The following DLGAP2 variants were observed in gnomAD, a reference collection of about 807,000 sequenced individuals.
The protein encoded by DLGAP2 is disks large-associated protein 2.
Under a neutral mutation model 100.3 loss-of-function variants are expected in DLGAP2, and 26 were observed. The ratio of observed to expected loss-of-function variants is 0.26; its 90% CI spans 0.19 to 0.36. The LOEUF is 0.36. DLGAP2 is among the 10% of genes least tolerant of loss of function. The pLI, the probability that DLGAP2 is intolerant of heterozygous loss-of-function variation, is 1.00. For synonymous variants in DLGAP2, 886 were observed against 630.1 expected, an observed-to-expected ratio of 1.41 and a Z score of -6.08; for missense variants, 1,858 against 1,453.2, an observed-to-expected ratio of 1.28 and a Z score of -4.53.
chr8:1,594,754 A>G (rs929392722), intron 6 of DLGAP2, among the ~76,000 whole-genome samples: 10 of 152,156 alleles, frequency 6.6e-5, no homozygotes, highest in African/African-American at 1.9e-4. Context: ...GACTAATAGA[A>G]CTAGAGTTTA....
intron 2 of DLGAP2, among the ~76,000 whole-genome samples, chr8:1,086,330 C>T (rs1803973137): frequency 6.6e-6 from 1 of 152,028 alleles, no homozygotes; most frequent in African/African-American, 2.4e-5. Flanking sequence ...GCATTTTTGT[C>T]TTGTTTTGGG....
chr8:986,794 G>A (rs1184301908), intron 2 of DLGAP2, among the ~76,000 whole-genome samples: 1 of 151,938 alleles, frequency 6.6e-6, no homozygotes, highest in Non-Finnish European at 1.5e-5. Flanking sequence ...CAAGTAGCCA[G>A]GATTATAGGC....
At chr8:1,489,149 G>C (rs913089942) in intron 3 of DLGAP2, among the ~76,000 whole-genome samples, 30 of 152,212 alleles carry the variant, frequency 2.0e-4, no homozygotes, top group African/African-American at 6.8e-4. Flanking sequence ...GTTACCTGTG[G>C]ACTGTAAAAG....
intron 3 of DLGAP2, among the ~76,000 whole-genome samples, chr8:1,274,590 T>A (rs1008301035): frequency 4.0e-5 from 6 of 151,820 alleles, no homozygotes; most frequent in Admixed American, 1.3e-4. Context: ...TGGATTTGTT[T>A]TAGAACATAA....
At chr8:898,739 C>T (rs149214169) in intron 1 of DLGAP2, among the ~76,000 whole-genome samples, 107 of 152,300 alleles carry the variant, frequency 7.0e-4, no homozygotes, top group African/African-American at 2.5e-3. Context: ...TCACAAAGCA[C>T]GTGGAAGCTG....
At chr8:1,005,050 C>T (rs1801066834) in intron 2 of DLGAP2, among the ~76,000 whole-genome samples, 1 of 152,150 alleles carries the variant, frequency 6.6e-6, no homozygotes, top group African/African-American at 2.4e-5. Flanking sequence ...GTGAAGAGCA[C>T]ACAGAAACTC....
chr8:1,523,780 A>G (rs1477316513), intron 4 of DLGAP2, among the ~76,000 whole-genome samples: 42 of 152,230 alleles, frequency 2.8e-4, no homozygotes, highest in Non-Finnish European at 7.3e-5. Context: ...CAAGCTCCCG[A>G]GGGCCATCCA....
At chr8:803,000 C>T (rs1796201841) in intron 1 of DLGAP2, among the ~76,000 whole-genome samples, 1 of 152,136 alleles carries the variant, frequency 6.6e-6, no homozygotes, top group Non-Finnish European at 1.5e-5. Context: ...TTTCTTGGGA[C>T]CTTAAATCCT....
intron 4 of DLGAP2, among the ~76,000 whole-genome samples, chr8:1,520,434 G>C (rs1800554017): frequency 6.6e-6 from 1 of 152,232 alleles, no homozygotes; most frequent in African/African-American, 2.4e-5. Flanking sequence ...ATGTGTTAGT[G>C]ACTAAAGCCA....
intron 3 of DLGAP2, among the ~76,000 whole-genome samples, chr8:1,320,858 T>C (rs1800881912): frequency 6.6e-6 from 1 of 152,184 alleles, no homozygotes; most frequent in Admixed American, 6.5e-5. Context: ...TTTCTCTCTG[T>C]GTTTGCATTC....
At chr8:1,491,083 A>AAAAAAAAAG (rs1799368495) in intron 3 of DLGAP2, among the ~76,000 whole-genome samples, 1 of 146,516 alleles carries the variant, frequency 6.8e-6, no homozygotes, top group African/African-American at 2.5e-5. Context: ...AAACCAAAAA[A>AAAAAAAAAG]AAAAAAAAAC....
At chr8:1,011,547 A>G (rs1283364135) in intron 2 of DLGAP2, among the ~76,000 whole-genome samples, 1 of 137,286 alleles carries the variant, frequency 7.3e-6, no homozygotes, top group South Asian at 2.5e-4. Context: ...GTCTCAGTCT[A>G]CACAGTGAGC....
intron 1 of DLGAP2, among the ~76,000 whole-genome samples, chr8:748,887 A>G (rs1820719312): frequency 6.6e-6 from 1 of 152,100 alleles, no homozygotes; most frequent in Admixed American, 6.5e-5. Context: ...CTTTCTGACA[A>G]CTTTTATTAT....
intron 4 of DLGAP2, among the ~76,000 whole-genome samples, chr8:1,546,145 G>C (rs1801526296): frequency 1.3e-5 from 2 of 152,174 alleles, no homozygotes; most frequent in African/African-American, 4.8e-5. Flanking sequence ...TAATTTGACT[G>C]TTTGAGAAAG....
chr8:1,478,762 T>G (rs1799008802), intron 3 of DLGAP2, among the ~76,000 whole-genome samples: 2 of 152,144 alleles, frequency 1.3e-5, no homozygotes, highest in Admixed American at 1.3e-4. Context: ...CTCCTCAGTA[T>G]GAGAGGTGCA....
chr8:784,736 C>G (rs11777651), intron 1 of DLGAP2, among the ~76,000 whole-genome samples: 1 of 152,074 alleles, frequency 6.6e-6, no homozygotes, highest in Non-Finnish European at 1.5e-5. Flanking sequence ...AAAGACCACA[C>G]GGGCCCATGC....
At chr8:824,293 C>G (rs1796644984) in intron 1 of DLGAP2, among the ~76,000 whole-genome samples, 1 of 151,950 alleles carries the variant, frequency 6.6e-6, no homozygotes, top group Non-Finnish European at 1.5e-5. Flanking sequence ...CCAGGCTGGT[C>G]TTGCACTCCT....
rs183017822 is a variant in DLGAP2 at position 784,884 on chromosome 8, A to G, written c.18+47059A>G. On this transcript the variant is annotated intron_variant, in intron 1 of 14. Transcript: ENST00000637795. ...ACTTGACCTCAGGAGGTGTGAGAAG[A>G]AAGTTTCTTATTTTACAGCCACTAA... Among the ~76,000 whole-genome samples the G allele has an allele frequency of 4.0e-3, 613 of 152,276 alleles. 3 individuals carry two copies. Among genetic ancestry groups the G allele is most frequent in the Non-Finnish European group, 6.8e-3 (464 of 68,030 alleles).
chr8:955,408 A>T lies in DLGAP2; in HGVS notation c.73+47442A>T, dbSNP rs56018549. 3.4e-3 allele frequency among the ~76,000 whole-genome samples: 520 copies of T among 151,948 alleles called. 4 individuals carry two copies. The highest frequency in any genetic ancestry group is 0.011 in the African/African-American group (467 of 41,434). On this transcript the variant is annotated intron_variant, in intron 2 of 14. Coordinates refer to ENST00000637795, the MANE Select transcript of DLGAP2 (RefSeq NM_001346810.2). ...CCACTGGAATCTTGTGTGTCCATTC[A>T]TCCTCCTCCCTCCTCCCCACTGCTG...
Sources: gnomAD v4.1 joint callset for allele counts (sites outside exome capture counted in the v4.1 genomes callset) on GRCh38, gnomAD v4.1.1 for gene constraint, MANE v1.5 for transcripts, NCBI Gene and HGNC (gene_info 2026-07-23, HGNC 2026-07-21) for gene names.